Variants in TUT4 observed in about 807,000 individuals in gnomAD.
TUT4 encodes terminal uridylyl transferase 4, also known as terminal uridylyltransferase 4.
A neutral mutation model predicts 192.2 loss-of-function variants in TUT4; 36 were observed. The ratio of observed to expected loss-of-function variants is 0.19; its 90% CI spans 0.14 to 0.25. The LOEUF (loss-of-function observed/expected upper bound fraction) is 0.25. Ranked by LOEUF, TUT4 falls within the 10% of genes least tolerant of loss-of-function variation. TUT4 has a pLI of 1.00. For missense variants in TUT4, 1,493 were observed against 1,957.2 expected, an observed-to-expected ratio of 0.76 and a Z score of 4.47; for synonymous variants, 618 against 666.0, an observed-to-expected ratio of 0.93 and a Z score of 1.11.
chr1:52,535,719 A>G (rs1475083344), intron 1 of TUT4, among the ~76,000 whole-genome samples: 4 of 152,230 alleles, frequency 2.6e-5, no homozygotes, highest in South Asian at 2.1e-4. Flanking sequence ...AACTCAAAGA[A>G]ATCCACACTG....
At chr1:52,513,445 C>T (rs1250300911) in intron 3 of TUT4, among the ~76,000 whole-genome samples, 6 of 122,580 alleles carry the variant, frequency 4.9e-5, no homozygotes, top group Admixed American at 4.6e-4. Context: ...TTCAAGAGGC[C>T]AAATAATTTA....
rs562289551 is a variant in TUT4, at chr1:52,488,388, A to C, written c.1515+521T>G. On this transcript the variant is annotated intron_variant, in intron 9 of 29. Coordinates refer to ENST00000257177, the MANE Select transcript of TUT4 (RefSeq NM_001009881.3). ...TCCCTATCCCCACATCAAAGAAATA[A>C]ACACAGGGCAACCACAGCCTTTAGA... 2.0e-5 allele frequency among the ~76,000 whole-genome samples: 3 copies of C among 152,344 alleles called. No homozygotes were observed. In the East Asian group the frequency reaches 5.8e-4, roughly 29 times the overall value.
At chr1:52,445,091 G>C (rs1657155019) in intron 24 of TUT4, among the ~76,000 whole-genome samples, 1 of 150,970 alleles carries the variant, frequency 6.6e-6, no homozygotes, top group African/African-American at 2.4e-5. Flanking sequence ...TATCCTATTA[G>C]CTCTGTCCCT....
intron 20 of TUT4, among the ~76,000 whole-genome samples, chr1:52,452,454 G>A (rs1570439477): frequency 1.3e-5 from 2 of 152,304 alleles, no homozygotes; most frequent in East Asian, 1.9e-4. Context: ...AAAGACCAAG[G>A]CATGATTACA....
chr1:52,542,047 A>G (rs1686838904), intron 1 of TUT4, among the ~76,000 whole-genome samples: 1 of 152,244 alleles, frequency 6.6e-6, no homozygotes. Flanking sequence ...ACATGCTATG[A>G]CATGGATGAA....
intron 15 of TUT4, among the ~76,000 whole-genome samples, chr1:52,466,211 T>C (rs1177167859): frequency 6.6e-6 from 1 of 152,166 alleles, no homozygotes; most frequent in Non-Finnish European, 1.5e-5. Flanking sequence ...TGATTTTATA[T>C]AATAGAGACT....
Position 52,431,361 on chromosome 1 carries a change from G to T in TUT4, c.4363C>A (p.Pro1455Thr), listed in dbSNP as rs1229150078. The change falls in exon 28 of 30, where the codon CCT becomes ACT. Residue 1455 changes from proline (P) to threonine (T), a missense_variant. Physicochemically the swap from Pro to Thr is conservative, Grantham distance 38. Around this residue, in one of 7 missense-constraint regions of TUT4, gnomAD observed 351 missense variants for 397.8 expected, o/e 0.88. Transcript: ENST00000257177. ...CCCTGCTGAGGTGGGCCAAGCTTAG[G>T]TTGGGATCCTGGCTGAGATGAAGGC... ...TQPSSQPGSQ[P>T]KLGPPQQGAQ... 3 of 1,614,048 alleles carry T rather than the reference G, an allele frequency of 1.9e-6. No individual in the cohort carries two copies. The highest frequency in any genetic ancestry group is 2.5e-6 in the Non-Finnish European group (3 of 1,180,042).
intron 19 of TUT4, among the ~76,000 whole-genome samples, chr1:52,458,774 G>C (rs1477603894): frequency 6.6e-6 from 1 of 152,154 alleles, no homozygotes; most frequent in African/African-American, 2.4e-5. Flanking sequence ...CAAACACTAT[G>C]AAGAATATTT....
chr1:52,540,094 CTG>C (rs1017537476), intron 1 of TUT4, among the ~76,000 whole-genome samples: 87 of 151,260 alleles, frequency 5.8e-4, no homozygotes, highest in African/African-American at 2.0e-3. Flanking sequence ...TGGCGGGCGC[CTG>C]TGTTACCAGC....
At chr1:52,467,595 G>C (rs1355822942) in intron 15 of TUT4, among the ~76,000 whole-genome samples, 4 of 152,098 alleles carry the variant, frequency 2.6e-5, no homozygotes, top group African/African-American at 9.7e-5. Flanking sequence ...CTCAGATCAT[G>C]TCATTTATTA....
chr1:52,535,257 C>T (rs950800890), intron 1 of TUT4: 2 of 152,040 alleles, frequency 1.3e-5, no homozygotes, highest in Non-Finnish European at 2.9e-5. Flanking sequence ...TAAATTGATT[C>T]TCCAATTTTC....
intron 2 of TUT4, among the ~76,000 whole-genome samples, chr1:52,520,678 T>A (rs1680000777): frequency 6.6e-6 from 1 of 152,226 alleles, no homozygotes; most frequent in Admixed American, 6.5e-5. Context: ...AATGTCACTT[T>A]CTCATTGACA....
chr1:52,548,414 A>C (rs1249561024), intron 1 of TUT4, among the ~76,000 whole-genome samples: 1 of 152,186 alleles, frequency 6.6e-6, no homozygotes, highest in Non-Finnish European at 1.5e-5. Flanking sequence ...TGACTACAGA[A>C]TTTAACTCTC....
chr1:52,538,289 A>G (rs1199584913), intron 1 of TUT4, among the ~76,000 whole-genome samples: 1 of 152,180 alleles, frequency 6.6e-6, no homozygotes, highest in African/African-American at 2.4e-5. Context: ...ACTCTATCCA[A>G]CATCAGCAGA....
At chr1:52,520,818 G>A (rs755491987) in intron 2 of TUT4, among the ~76,000 whole-genome samples, 2 of 151,740 alleles carry the variant, frequency 1.3e-5, no homozygotes, top group Non-Finnish European at 2.9e-5. Context: ...TTGAGATGGA[G>A]TTTCGCTCTT....
intron 1 of TUT4, among the ~76,000 whole-genome samples, chr1:52,542,399 A>C (rs1686924179): frequency 6.6e-6 from 1 of 152,234 alleles, no homozygotes; most frequent in African/African-American, 2.4e-5. Flanking sequence ...AATACTAGCA[A>C]ACTGAAATCA....
intron 16 of TUT4, chr1:52,463,132 T>C (rs909103267): frequency 1.0e-6 from 1 of 982,432 alleles, no homozygotes; most frequent in Non-Finnish European, 1.2e-6. Context: ...ATTATTTTCA[T>C]TGTTTCAACT....
intron 29 of TUT4, 74 bp from the exon 30 acceptor site, chr1:52,424,076 G>T: frequency 1.4e-6 from 2 of 1,436,384 alleles, no homozygotes; most frequent in Non-Finnish European, 1.9e-6. Flanking sequence ...GAATTAACTT[G>T]TAGTTAGCTT....
At position 52,490,720 on chromosome 1, in the gene TUT4, A is replaced by G. The variant is rs1670945654; in HGVS notation, c.1388+12T>C. On this transcript the variant is annotated intron_variant, in intron 8 of 29. Coordinates refer to ENST00000257177, the MANE Select transcript of TUT4 (RefSeq NM_001009881.3). ...TTGTTTTTTTAAATATTTTATCTTC[A>G]TTGTTACCAACCTTTTTCGATCTCT... 2 of 1,599,476 alleles carry G rather than the reference A, an allele frequency of 1.3e-6. No homozygotes were observed. The highest frequency in any genetic ancestry group is 1.7e-6 in the Non-Finnish European group (2 of 1,175,030).
Sources: gnomAD v4.1 joint callset for allele counts (sites outside exome capture counted in the v4.1 genomes callset) on GRCh38, gnomAD v4.1.1 for gene constraint, gnomAD v4.1.1 regional missense constraint, MANE v1.5 for transcripts, NCBI Gene and HGNC (gene_info 2026-07-23, HGNC 2026-07-21) for gene names.